TTC17: variants seen among roughly 807,000 people sequenced by gnomAD.
TTC17 encodes the protein tetratricopeptide repeat domain 17, also known as tetratricopeptide repeat protein 17.
In TTC17, 58 loss-of-function variants were observed where a neutral mutation model predicts 143.8. The ratio of observed to expected loss-of-function variants is 0.40; its 90% CI spans 0.33 to 0.50. TTC17 has a LOEUF of 0.50. Among genes scored for constraint, TTC17 ranks in the 20% least tolerant of loss-of-function variants. The pLI is 0.49. For synonymous variants in TTC17, 501 were observed against 497.8 expected (o/e 1.01, Z -0.09); for missense variants, 1,273 against 1,392.5 (o/e 0.91, Z 1.37).
chr11:43,402,691 G>A (rs1857921918), intron 10 of TTC17, among the ~76,000 whole-genome samples: 1 of 152,058 alleles, frequency 6.6e-6, no homozygotes, highest in Non-Finnish European at 1.5e-5. Flanking sequence ...ACAGGTAAGT[G>A]TAATAAAATA....
At chr11:43,407,611 C>G (rs549942258) in intron 15 of TTC17, 34 bp downstream of exon 15, 2 of 1,577,388 alleles carry the variant, frequency 1.3e-6, no homozygotes, top group East Asian at 2.2e-5. Flanking sequence ...GTTCCGTATA[C>G]TATGTAGGGT....
chr11:43,485,584 A>G (rs186237390), intron 21 of TTC17, among the ~76,000 whole-genome samples: 1 of 152,338 alleles, frequency 6.6e-6, no homozygotes, highest in East Asian at 1.9e-4. Context: ...TCTACAAAAG[A>G]TTAATATACA....
At chr11:43,363,838 A>T (rs1431694638) in intron 1 of TTC17, among the ~76,000 whole-genome samples, 4 of 152,170 alleles carry the variant, frequency 2.6e-5, no homozygotes, top group Non-Finnish European at 5.9e-5. Context: ...CAAATGAAGG[A>T]CTACAAAGAA....
At chr11:43,383,478 G>A (rs542252166) in intron 2 of TTC17, among the ~76,000 whole-genome samples, 6 of 151,782 alleles carry the variant, frequency 4.0e-5, no homozygotes, top group Admixed American at 1.3e-4. Context: ...TCAGCCTCCC[G>A]AGTGGCTAGG....
At chr11:43,409,201 T>C (rs1858288002) in intron 15 of TTC17, among the ~76,000 whole-genome samples, 1 of 152,222 alleles carries the variant, frequency 6.6e-6, no homozygotes, top group Non-Finnish European at 1.5e-5. Flanking sequence ...TCAATTTAAA[T>C]GGTTGTATAA....
intron 16 of TTC17, among the ~76,000 whole-genome samples, chr11:43,418,597 CT>C (rs1010814110): frequency 1.3e-5 from 2 of 151,922 alleles, no homozygotes; most frequent in Non-Finnish European, 2.9e-5. Flanking sequence ...GTTAAATAAA[CT>C]TATAATGCTT....
At chr11:43,442,795 A>T (rs1160966879) in intron 16 of TTC17, among the ~76,000 whole-genome samples, 1 of 152,230 alleles carries the variant, frequency 6.6e-6, no homozygotes, top group Non-Finnish European at 1.5e-5. Context: ...TTATTGTAGT[A>T]TATTGCTATT....
rs1001390948 is a variant in TTC17, at chr11:43,461,743, A to G, written c.3030+10478A>G. Among the ~76,000 whole-genome samples the G allele has an allele frequency of 5.9e-5, 9 of 152,342 alleles. No individual in the cohort carries two copies. The East Asian group carries it at 1.2e-3, about 20-fold the overall frequency. ...TTTATGTACTGTATATCTAAAATTC[A>G]TGGTAGCAATAACTTAAATGATGAG... On this transcript the variant is annotated intron_variant, in intron 21 of 23. Coordinates refer to ENST00000039989, the MANE Select transcript of TTC17 (RefSeq NM_018259.6).
rs552443698 is a variant in TTC17, at chr11:43,420,205, TA to T, written c.2251+5434del. Reference sequence around the variant, plus strand: ...AGTCAGTCTTTGGCGGAGCTGAAACTAAAAAGTGAGTCCTCTGTCTTCCAGG... The same window carrying T: ...AGTCAGTCTTTGGCGGAGCTGAAACTAAAAGTGAGTCCTCTGTCTTCCAGG... On this transcript the variant is annotated intron_variant, in intron 16 of 23. Transcript: ENST00000039989. 3.0e-4 allele frequency among the ~76,000 whole-genome samples: 46 copies of T among 152,348 alleles called. 1 individual carries two copies. In the South Asian group the frequency reaches 4.6e-3, roughly 15 times the overall value.
At chr11:43,430,574 A>G (rs1947130409) in intron 16 of TTC17, among the ~76,000 whole-genome samples, 1 of 152,138 alleles carries the variant, frequency 6.6e-6, no homozygotes, top group African/African-American at 2.4e-5. Flanking sequence ...GCCTACTGTG[A>G]GACTAATTTC....
intron 1 of TTC17, among the ~76,000 whole-genome samples, chr11:43,377,451 A>G (rs1422961222): frequency 1.3e-5 from 2 of 152,258 alleles, no homozygotes; most frequent in African/African-American, 2.4e-5. Context: ...AGAAATTCAC[A>G]TTAACATTTC....
In TTC17 at chr11:43,400,039, G is replaced by A; in HGVS notation, c.1210G>A (p.Ala404Thr). ...TCATGAGACTCAGATGGCAAAAGAG[G>A]CACAATTAGGTAAGTAGTGACTCCA... is the stretch of plus-strand genomic sequence containing the variant. ...IIHETQMAKE[A>T]QLGNHQICRL... Residue 404 changes from alanine (A) to threonine (T), a missense_variant, in exon 9 of 24, where the codon GCA (alanine) becomes ACA (threonine). Ala to Thr is a moderately conservative substitution (Grantham distance 58). This residue lies in a region of TTC17 where 325 missense variants were observed against 444.2 expected (regional missense o/e 0.73). Transcript: ENST00000039989. 2 of 1,612,954 alleles carry A rather than the reference G, an allele frequency of 1.2e-6. No homozygotes were observed. Among genetic ancestry groups the A allele is most frequent in the Non-Finnish European group, 1.7e-6 (2 of 1,179,536 alleles).
intron 16 of TTC17, among the ~76,000 whole-genome samples, chr11:43,425,480 T>A (rs922603867): frequency 2.7e-4 from 41 of 152,300 alleles, no homozygotes; most frequent in African/African-American, 8.9e-4. Context: ...TTTAGACTAT[T>A]TTTTTAAAAC....
chr11:43,436,365 G>C, intron 16 of TTC17: 1 of 1,242,386 alleles, frequency 8.0e-7, no homozygotes, highest in Non-Finnish European at 1.0e-6. Flanking sequence ...CTGTGCTTCT[G>C]GGGAAAAATC....
chr11:43,478,822 C>G (rs955074763), intron 21 of TTC17, among the ~76,000 whole-genome samples: 2 of 152,278 alleles, frequency 1.3e-5, no homozygotes, highest in African/African-American at 4.8e-5. Context: ...AAAATGTAGT[C>G]TCGCTATGTT....
chr11:43,462,719 G>A (rs1008228973), intron 21 of TTC17, among the ~76,000 whole-genome samples: 1 of 152,046 alleles, frequency 6.6e-6, no homozygotes, highest in African/African-American at 2.4e-5. Flanking sequence ...TAAACTGTAT[G>A]CACCAAAGAA....
At chr11:43,469,613 G>T (rs114241195) in intron 21 of TTC17, among the ~76,000 whole-genome samples, 31 of 152,226 alleles carry the variant, frequency 2.0e-4, no homozygotes, top group African/African-American at 7.2e-4. Flanking sequence ...GCATAGTTAA[G>T]ATTCTAACTA....
intron 18 of TTC17, among the ~76,000 whole-genome samples, chr11:43,444,722 TACACACACACAC>T (rs10638143): frequency 1.4e-4 from 20 of 143,550 alleles, no homozygotes; most frequent in Non-Finnish European, 2.3e-4. Flanking sequence ...ACCAAATACA[TACACACACACAC>T]ACACACACAC....
chr11:43,490,771 C>T (rs1172212184), intron 22 of TTC17: 1 of 145,226 alleles, frequency 6.9e-6, no homozygotes, highest in Non-Finnish European at 1.5e-5. Flanking sequence ...AGCTTGCTTC[C>T]AAGCACAGAG....
Sources: gnomAD v4.1 joint callset for allele counts (sites outside exome capture counted in the v4.1 genomes callset) on GRCh38, gnomAD v4.1.1 for gene constraint, gnomAD v4.1.1 regional missense constraint, MANE v1.5 for transcripts, NCBI Gene and HGNC (gene_info 2026-07-23, HGNC 2026-07-21) for gene names.